The following AFF4 variants were observed in gnomAD, a reference collection of about 807,000 sequenced individuals.
AFF4 encodes the protein ALF transcription elongation factor 4.
A neutral mutation model predicts 124.8 loss-of-function variants in AFF4; 13 were observed. The observed-to-expected ratio is 0.10, with a 90% CI of 0.07 to 0.17. AFF4 has a LOEUF of 0.17. AFF4 is among the 10% of genes least tolerant of loss of function. The pLI is 1.00. For missense variants in AFF4, 1,092 were observed against 1,403.8 expected, an observed-to-expected ratio of 0.78 and a Z score of 3.55; for synonymous variants, 477 against 496.1, an observed-to-expected ratio of 0.96 and a Z score of 0.51.
intron 1 of AFF4, among the ~76,000 whole-genome samples, chr5:132,953,228 GTTT>G (rs974751391): frequency 1.3e-5 from 2 of 151,154 alleles, no homozygotes; most frequent in Non-Finnish European, 2.9e-5. Context: ...AGAAATCTCT[GTTT>G]TTTTTAATTT....
chr5:132,953,267 G>A (rs1423045051), intron 1 of AFF4, among the ~76,000 whole-genome samples: 2 of 151,842 alleles, frequency 1.3e-5, no homozygotes, highest in Admixed American at 1.3e-4. Flanking sequence ...TAGAGACAGG[G>A]TCTCAGTCTG....
chr5:132,932,265 T>C, intron 3 of AFF4, 43 bp from the exon 4 acceptor site: 1 of 1,532,798 alleles, frequency 6.5e-7, no homozygotes. Flanking sequence ...TATCAGTAGA[T>C]TTTTAGTATT....
chr5:132,906,001 T>C (rs1760663307), intron 5 of AFF4, among the ~76,000 whole-genome samples: 1 of 152,056 alleles, frequency 6.6e-6, no homozygotes, highest in African/African-American at 2.4e-5. Flanking sequence ...GGAAGACATA[T>C]AAATGGCCAA....
rs142500965 is a variant in AFF4, at chr5:132,921,473, C to CT, written c.1050+5647dup. Among the ~76,000 whole-genome samples the CT allele has an allele frequency of 8.2e-4, 98 of 119,918 alleles. No individual in the cohort carries two copies. In the Middle Eastern group the frequency reaches 0.018, roughly 22 times the overall value. The allele number at this position is 119,918 out of a possible 152,430, so 78.7% of individuals were successfully genotyped here. A position where few individuals can be genotyped will look rare whatever the true frequency, so the allele number is the denominator to read the frequency against. On this transcript the variant is annotated intron_variant, in intron 5 of 20. Coordinates refer to ENST00000265343, the MANE Select transcript of AFF4 (RefSeq NM_014423.4). ...ATGACAGTTGTTTTCTTTTTTTTTTCTTTTTTTTTTTTTTGAGACAGTTTC... is the reference window on the plus strand; with the variant it reads ...ATGACAGTTGTTTTCTTTTTTTTTTCTTTTTTTTTTTTTTTGAGACAGTTTC...
In AFF4 at chr5:132,920,511, C is replaced by G. The variant is rs144135185; in HGVS notation, c.1050+6610G>C. On this transcript the variant is annotated intron_variant, in intron 5 of 20. Coordinates refer to ENST00000265343, the MANE Select transcript of AFF4 (RefSeq NM_014423.4). ...GCTGGGACTATAGGTCATGCCACCA[C>G]GCCTGGCTAATATTTACATTTTTTG... Among the ~76,000 whole-genome samples the G allele has an allele frequency of 4.5e-3, 682 of 151,814 alleles. 11 individuals are homozygous for G. Among genetic ancestry groups the G allele is most frequent in the Non-Finnish European group, 1.3e-3 (90 of 67,972 alleles).
chr5:132,890,946 C>T lies in AFF4; in HGVS notation c.2637+1218G>A, dbSNP rs73788221. 2.6e-3 allele frequency among the ~76,000 whole-genome samples: 398 copies of T among 151,678 alleles called. 2 individuals carry two copies. Among genetic ancestry groups the T allele is most frequent in the African/African-American group, 9.1e-3 (375 of 41,326 alleles). ...AAGCATACACAGTGATTTTTACCTA[C>T]GAGATAGCAGAATCCAAATGAGCAG... On this transcript the variant is annotated intron_variant, in intron 13 of 20. Coordinates refer to ENST00000265343, the MANE Select transcript of AFF4 (RefSeq NM_014423.4).
intron 2 of AFF4, among the ~76,000 whole-genome samples, chr5:132,935,330 A>T (rs992560792): frequency 6.6e-6 from 1 of 152,234 alleles, no homozygotes; most frequent in Non-Finnish European, 1.5e-5. Flanking sequence ...TTAAATACAC[A>T]AAGTATTTTG....
intron 7 of AFF4, among the ~76,000 whole-genome samples, chr5:132,901,291 T>C (rs981475824): frequency 1.3e-5 from 2 of 152,348 alleles, no homozygotes; most frequent in African/African-American, 4.8e-5. Flanking sequence ...GATAGGTATA[T>C]ATATGGTAAG....
rs577805513 is a variant in AFF4 at position 132,919,832 on chromosome 5, A to G, written c.1050+7289T>C. 2.6e-5 allele frequency among the ~76,000 whole-genome samples: 4 copies of G among 152,216 alleles called. No homozygotes were observed. The East Asian group carries it at 7.7e-4, about 29-fold the overall frequency. On this transcript the variant is annotated intron_variant, in intron 5 of 20. Coordinates refer to ENST00000265343, the MANE Select transcript of AFF4 (RefSeq NM_014423.4). The stretch of plus-strand genomic sequence containing the variant: ...ACCACTGCACTCCAGCCTGGGTGAC[A>G]GAGTGAGACTCTTTCAAAAACAGAA...
chr5:132,905,864 A>G (rs1361234786), intron 5 of AFF4, among the ~76,000 whole-genome samples: 1 of 152,202 alleles, frequency 6.6e-6, no homozygotes, highest in Non-Finnish European at 1.5e-5. Context: ...ATAGGAGAAA[A>G]TATTTGCAAA....
chr5:132,893,531 T>C (rs560482817), intron 11 of AFF4, among the ~76,000 whole-genome samples: 1 of 152,350 alleles, frequency 6.6e-6, no homozygotes, highest in Non-Finnish European at 1.5e-5. Flanking sequence ...TATTTATTTA[T>C]TTTTCAGACG....
chr5:132,894,943 C>A (rs1180951990), intron 11 of AFF4, among the ~76,000 whole-genome samples: 1 of 152,024 alleles, frequency 6.6e-6, no homozygotes, highest in Non-Finnish European at 1.5e-5. Context: ...CAGAGTAATA[C>A]CCTGTCTCTA....
intron 6 of AFF4, chr5:132,903,888 C>T (rs1760610299): frequency 1.3e-5 from 2 of 152,752 alleles, no homozygotes; most frequent in Admixed American, 1.3e-4. Flanking sequence ...TTTTGATCTC[C>T]AATGACTTAC....
At chr5:132,958,465 C>CA (rs34337170) in intron 1 of AFF4, among the ~76,000 whole-genome samples, 18,114 of 55,002 alleles carry the variant, frequency 0.33, 3,580 homozygotes, top group East Asian at 0.55. Flanking sequence ...GACCCTGTCT[C>CA]AAAAAAAAAA....
chr5:132,885,263 TGTGTG>T, intron 18 of AFF4, 144 bp from the exon 19 acceptor site: 1 of 473,090 alleles, frequency 2.1e-6, no homozygotes, highest in South Asian at 3.5e-5. Flanking sequence ...TGTGTGTGTG[TGTGTG>T]TGTGTGTGTA....
At chr5:132,960,747 TC>T (rs1221607942) in intron 1 of AFF4, among the ~76,000 whole-genome samples, 1 of 152,124 alleles carries the variant, frequency 6.6e-6, no homozygotes, top group Non-Finnish European at 1.5e-5. Context: ...ACATTCAAAT[TC>T]AATCTAGTAA....
At chr5:132,922,052 T>G (rs1761060407) in intron 5 of AFF4, among the ~76,000 whole-genome samples, 1 of 152,082 alleles carries the variant, frequency 6.6e-6, no homozygotes, top group Admixed American at 6.6e-5. Context: ...CTCAAAGTAC[T>G]AGGACTACAG....
Position 132,881,009 on chromosome 5 carries a change from T to C in AFF4, c.*50A>G. 6.3e-7 allele frequency: 1 copy of C among 1,581,322 alleles called. No homozygotes were observed. The highest frequency in any genetic ancestry group is 8.6e-7 in the Non-Finnish European group (1 of 1,165,574). On this transcript the variant is annotated 3_prime_UTR_variant, in exon 21 of 21. Transcript: ENST00000265343. ...ATGTTATGGCAGTTTTCCTTCGTGATGTGACACAGTGTTGTGGAGAAAATC... is the reference window on the plus strand; with the variant it reads ...ATGTTATGGCAGTTTTCCTTCGTGACGTGACACAGTGTTGTGGAGAAAATC...
At chr5:132,933,125 C>G (rs1409263048) in intron 3 of AFF4, among the ~76,000 whole-genome samples, 1 of 151,794 alleles carries the variant, frequency 6.6e-6, no homozygotes, top group African/African-American at 2.4e-5. Flanking sequence ...GGGCCAGGCG[C>G]GGTGGCTCAC....
Sources: gnomAD v4.1 joint callset for allele counts (sites outside exome capture counted in the v4.1 genomes callset) on GRCh38, gnomAD v4.1.1 for gene constraint, MANE v1.5 for transcripts, NCBI Gene and HGNC (gene_info 2026-07-23, HGNC 2026-07-21) for gene names.